SPATA31H1: variants seen among roughly 807,000 people sequenced by gnomAD.
SPATA31H1 encodes the protein spermatogenesis-associated protein 31H1.
At chr2:27,581,896 G>A in the SPATA31H1 span, 20 of 1,606,762 alleles carry the variant, frequency 1.2e-5, no homozygotes, top group South Asian at 4.4e-5. Context: ...AGAAGACATC[G>A]CAGTCCCTCT....
the SPATA31H1 span, chr2:27,578,324 G>A: frequency 8.7e-6 from 14 of 1,613,998 alleles, no homozygotes; most frequent in South Asian, 1.5e-4. Context: ...AGTTGACAGG[G>A]TTTCAAATTG....
the SPATA31H1 span, among the ~76,000 whole-genome samples, chr2:27,544,287 T>G: frequency 6.6e-4 from 100 of 152,114 alleles, no homozygotes; most frequent in Non-Finnish European, 8.5e-4. Flanking sequence ...TATATACCCA[T>G]GTAACTAAAA....
the SPATA31H1 span, chr2:27,579,991 C>T: frequency 1.4e-5 from 23 of 1,614,180 alleles, no homozygotes; most frequent in Non-Finnish European, 1.8e-5. Flanking sequence ...CAGACCACTT[C>T]GGGGCCTTAT....
At chr2:27,579,097 T>C in the SPATA31H1 span, 1 of 1,614,182 alleles carries the variant, frequency 6.2e-7, no homozygotes, top group African/African-American at 1.3e-5. Context: ...CAGAGACATC[T>C]ACCACAAAGC....
the SPATA31H1 span, chr2:27,581,693 G>A: frequency 2.5e-6 from 4 of 1,613,522 alleles, no homozygotes; most frequent in East Asian, 2.2e-5. Flanking sequence ...GTCCCTCTGA[G>A]AGAAGACATC....
chr2:27,580,713 C>T, the SPATA31H1 span: 1 of 1,614,204 alleles, frequency 6.2e-7, no homozygotes, highest in Non-Finnish European at 8.5e-7. Context: ...CGGGACAAGG[C>T]CAGACAATTT....
the SPATA31H1 span, chr2:27,578,816 T>C: frequency 1.2e-6 from 2 of 1,614,164 alleles, no homozygotes; most frequent in South Asian, 1.1e-5. Flanking sequence ...GAACAGCATC[T>C]GAATTAGGAG....
the SPATA31H1 span, chr2:27,582,374 C>G: frequency 1.2e-6 from 2 of 1,614,122 alleles, no homozygotes; most frequent in Admixed American, 1.7e-5. Context: ...GGAGCCGACG[C>G]AGTCCCCTTA....
chr2:27,578,560 C>T, the SPATA31H1 span: 2 of 1,613,944 alleles, frequency 1.2e-6, no homozygotes. Context: ...GCAGAATTAA[C>T]CTCACCGCAA....
the SPATA31H1 span, among the ~76,000 whole-genome samples, chr2:27,544,853 C>A: frequency 1.3e-5 from 2 of 151,724 alleles, no homozygotes; most frequent in Non-Finnish European, 2.9e-5. Flanking sequence ...CGGCCGACAA[C>A]AACAAATTTT....
the SPATA31H1 span, among the ~76,000 whole-genome samples, chr2:27,548,202 C>T: frequency 1.3e-5 from 2 of 151,782 alleles, no homozygotes; most frequent in Admixed American, 1.3e-4. Flanking sequence ...ATCTCCTGAC[C>T]TCGTGATCTG....
At chr2:27,572,875 T>C in the SPATA31H1 span, 5 of 397,094 alleles carry the variant, frequency 1.3e-5, no homozygotes, top group East Asian at 1.8e-4. Context: ...TTGCACTTTG[T>C]GAAAGCTCCT....
chr2:27,543,693 T>C, the SPATA31H1 span, among the ~76,000 whole-genome samples: 2 of 151,898 alleles, frequency 1.3e-5, no homozygotes, highest in Non-Finnish European at 2.9e-5. Flanking sequence ...TTCTTAGCCA[T>C]CTGAAGGCAA....
the SPATA31H1 span, among the ~76,000 whole-genome samples, chr2:27,548,032 A>G: frequency 1.7e-5 from 2 of 119,440 alleles, no homozygotes; most frequent in African/African-American, 3.3e-5. Flanking sequence ...CCCAGGCTGG[A>G]GTGTAGTGGC....
At chr2:27,564,842 T>C in the SPATA31H1 span, among the ~76,000 whole-genome samples, 2 of 152,178 alleles carry the variant, frequency 1.3e-5, no homozygotes, top group African/African-American at 4.8e-5. Context: ...GTAACAAATG[T>C]CATTACTGCC....
the SPATA31H1 span, among the ~76,000 whole-genome samples, chr2:27,563,248 AT>A: frequency 6.6e-6 from 1 of 151,990 alleles, no homozygotes; most frequent in East Asian, 1.9e-4. Context: ...CATACTTACT[AT>A]CTACTCAAAT....
At chr2:27,568,991 C>T in the SPATA31H1 span, 1 of 398,906 alleles carries the variant, frequency 2.5e-6, no homozygotes. Context: ...CAAAGTTGAC[C>T]TCTGACAACT....
At chr2:27,564,597 A>G in the SPATA31H1 span, among the ~76,000 whole-genome samples, 1 of 152,054 alleles carries the variant, frequency 6.6e-6, no homozygotes, top group African/African-American at 2.4e-5. Context: ...TGGGCGGATC[A>G]CCTCAGGTCA....
At chr2:27,555,543 G>A in the SPATA31H1 span, among the ~76,000 whole-genome samples, 7 of 151,688 alleles carry the variant, frequency 4.6e-5, no homozygotes, top group African/African-American at 1.2e-4. Context: ...GTGTGGTGGT[G>A]TGCACCTGTA....
Sources: allele counts gnomAD v4.1 joint callset (sites outside exome capture counted in the v4.1 genomes callset), GRCh38; gene constraint gnomAD v4.1.1; transcripts MANE v1.5; gene names NCBI Gene and HGNC (gene_info 2026-07-23, HGNC 2026-07-21).